DOCK1: variants seen among roughly 807,000 people sequenced by gnomAD.
The protein encoded by DOCK1 is dedicator of cytokinesis 1.
DOCK1 carries 138 observed loss-of-function variants against 262.7 expected under a neutral mutation model. That is an observed-to-expected ratio of 0.53 (90% CI 0.46 to 0.61). The LOEUF (loss-of-function observed/expected upper bound fraction) is 0.61, where lower values mean the gene tolerates loss of function less well. Among genes scored for constraint, DOCK1 ranks in the 20% least tolerant of loss-of-function variants. DOCK1 has a pLI of 0.00. For synonymous variants in DOCK1, 866 were observed against 867.4 expected, an observed-to-expected ratio of 1.00 and a Z score of 0.03; for missense variants, 1,908 against 2,370.7, an observed-to-expected ratio of 0.80 and a Z score of 4.05.
chr10:127,356,304 G>A (rs946525672), intron 32 of DOCK1, among the ~76,000 whole-genome samples: 1 of 152,182 alleles, frequency 6.6e-6, no homozygotes. Flanking sequence ...TCCCACTCCT[G>A]CCTCCCCGTG....
chr10:127,306,653 T>A (rs2061888507), intron 29 of DOCK1, among the ~76,000 whole-genome samples: 1 of 152,222 alleles, frequency 6.6e-6, no homozygotes, highest in South Asian at 2.1e-4. Context: ...TCTCTGACTT[T>A]GGCATGGTGT....
intron 1 of DOCK1, among the ~76,000 whole-genome samples, chr10:126,948,559 G>A (rs913538914): frequency 6.6e-6 from 1 of 151,888 alleles, no homozygotes; most frequent in Non-Finnish European, 1.5e-5. Context: ...ACGTGGGGTG[G>A]GGTCGGGATA....
intron 29 of DOCK1, among the ~76,000 whole-genome samples, chr10:127,327,989 C>T (rs1254839472): frequency 6.6e-6 from 1 of 152,008 alleles, no homozygotes; most frequent in African/African-American, 2.4e-5. Flanking sequence ...CATAGAGAGA[C>T]CCACCAGGCC....
At chr10:127,017,138 CACACAGATACAG>C (rs1422935400) in intron 12 of DOCK1, among the ~76,000 whole-genome samples, 1 of 111,138 alleles carries the variant, frequency 9.0e-6, no homozygotes, top group Admixed American at 9.3e-5. Flanking sequence ...CAGACATACA[CACACAGATACAG>C]ACACCACAAA....
At chr10:127,055,484 C>T (rs1179389692) in intron 22 of DOCK1, among the ~76,000 whole-genome samples, 1 of 152,182 alleles carries the variant, frequency 6.6e-6, no homozygotes, top group Non-Finnish European at 1.5e-5. Context: ...GACCACCCTA[C>T]CTGCAAGGAA....
chr10:127,208,156 A>G (rs2057807558), intron 27 of DOCK1, among the ~76,000 whole-genome samples: 1 of 152,234 alleles, frequency 6.6e-6, no homozygotes, highest in African/African-American at 2.4e-5. Context: ...GGGAATAGTA[A>G]TGTCTTTGTC....
intron 10 of DOCK1, chr10:127,001,246 T>G (rs1447556879): frequency 6.6e-6 from 1 of 152,228 alleles, no homozygotes; most frequent in Non-Finnish European, 1.5e-5. Context: ...TGGAAGACAT[T>G]CTTTCCCTTG....
chr10:127,167,193 G>A (rs1786424032), intron 27 of DOCK1, among the ~76,000 whole-genome samples: 1 of 151,968 alleles, frequency 6.6e-6, no homozygotes, highest in South Asian at 2.1e-4. Context: ...ATTAAATGAA[G>A]AAAATGATAG....
chr10:126,927,834 A>C (rs1014599007), intron 1 of DOCK1, among the ~76,000 whole-genome samples: 6 of 152,164 alleles, frequency 3.9e-5, no homozygotes, highest in Non-Finnish European at 8.8e-5. Context: ...GTGAAGAACA[A>C]CACCAGCTTG....
rs74819565 is a variant in DOCK1 at position 126,990,154 on chromosome 10, C to T, written c.325-301C>T. On this transcript the variant is annotated intron_variant, in intron 5 of 51. Transcript: ENST00000623213. ...CAGGAAGCTCACGAGCAGGTGTTGACGCTCAAGGTCTAGCCCCTGTTGGGA... is the reference window on the plus strand; with the variant it reads ...CAGGAAGCTCACGAGCAGGTGTTGATGCTCAAGGTCTAGCCCCTGTTGGGA... Among the ~76,000 whole-genome samples, 185 of 152,290 alleles carry T rather than the reference C, an allele frequency of 1.2e-3. 1 individual carries two copies. The highest frequency in any genetic ancestry group is 1.8e-3 in the Non-Finnish European group (122 of 68,028).
chr10:127,038,122 A>T (rs998251771), intron 19 of DOCK1, among the ~76,000 whole-genome samples: 3 of 151,988 alleles, frequency 2.0e-5, no homozygotes. Flanking sequence ...AATCCCAGCT[A>T]CTCGGGAGGC....
chr10:127,246,318 G>T (rs992085608), intron 27 of DOCK1, among the ~76,000 whole-genome samples: 8 of 152,158 alleles, frequency 5.3e-5, no homozygotes, highest in Admixed American at 2.0e-4. Flanking sequence ...TGCCTGTAAA[G>T]TGGCACAGGA....
In DOCK1 at chr10:127,298,572, G is replaced by A. The variant is rs987029364; in HGVS notation, c.3045-40434G>A. Among the ~76,000 whole-genome samples, 3 of 152,130 alleles carry A rather than the reference G, an allele frequency of 2.0e-5. No individual in the cohort carries two copies. The East Asian group carries it at 5.8e-4, about 29-fold the overall frequency. ...CCCCACAGCATTTCTCTCTTTCCCAGCTGGGCCATAAATTGTCTCGTGACT... is the reference window on the plus strand; with the variant it reads ...CCCCACAGCATTTCTCTCTTTCCCAACTGGGCCATAAATTGTCTCGTGACT... On this transcript the variant is annotated intron_variant, in intron 29 of 51. Transcript: ENST00000623213.
chr10:126,999,323 T>C, intron 8 of DOCK1, 31 bp from the exon 9 acceptor site: 1 of 1,585,988 alleles, frequency 6.3e-7, no homozygotes, highest in Non-Finnish European at 8.6e-7. Flanking sequence ...ATTTGGAAAA[T>C]TAACTTGCTT....
chr10:127,111,864 T>C (rs2048886423), intron 25 of DOCK1, among the ~76,000 whole-genome samples: 1 of 152,172 alleles, frequency 6.6e-6, no homozygotes, highest in African/African-American at 2.4e-5. Flanking sequence ...TGTCGATGAA[T>C]TGTGCTTGAT....
chr10:127,432,591 G>C (rs1486333993), intron 47 of DOCK1, among the ~76,000 whole-genome samples: 1 of 152,166 alleles, frequency 6.6e-6, no homozygotes, highest in Non-Finnish European at 1.5e-5. Context: ...TAGCTAATGA[G>C]ATGTGGACAC....
intron 13 of DOCK1, among the ~76,000 whole-genome samples, chr10:127,022,057 A>G (rs1432391551): frequency 6.6e-6 from 1 of 152,100 alleles, no homozygotes; most frequent in Admixed American, 6.5e-5. Context: ...GAAGCTTGTG[A>G]AGTTCTCCCA....
chr10:127,173,103 C>T (rs1198727381), intron 27 of DOCK1, among the ~76,000 whole-genome samples: 1 of 152,198 alleles, frequency 6.6e-6, no homozygotes, highest in East Asian at 1.9e-4. Context: ...CACAAGACCA[C>T]TAAGTCCTCC....
At chr10:127,146,109 A>G (rs1193476797) in intron 27 of DOCK1, 2 of 504,390 alleles carry the variant, frequency 4.0e-6, no homozygotes, top group Admixed American at 2.1e-5. Context: ...ACTCATCTAA[A>G]CATGAATTAT....
Sources: allele counts gnomAD v4.1 joint callset (sites outside exome capture counted in the v4.1 genomes callset), GRCh38; gene constraint gnomAD v4.1.1; transcripts MANE v1.5; gene names NCBI Gene and HGNC (gene_info 2026-07-23, HGNC 2026-07-21).